Variants in RASGRF1 observed in about 807,000 individuals in gnomAD.
The protein encoded by RASGRF1 is Ras protein specific guanine nucleotide releasing factor 1, also known as ras-specific guanine nucleotide-releasing factor 1.
A neutral mutation model predicts 138.7 loss-of-function variants in RASGRF1; 40 were observed. That is an observed-to-expected ratio of 0.29 (90% CI 0.22 to 0.38). The LOEUF is 0.38. RASGRF1 is among the 10% of genes least tolerant of loss of function. The probability of loss-of-function intolerance (pLI) is 1.00; values close to 1 mark genes in which losing one functional copy is unlikely to be tolerated. For missense variants in RASGRF1, 1,108 were observed against 1,650.4 expected, an observed-to-expected ratio of 0.67 and a Z score of 5.69; for synonymous variants, 614 against 663.2, an observed-to-expected ratio of 0.93 and a Z score of 1.14.
intron 1 of RASGRF1, among the ~76,000 whole-genome samples, chr15:79,077,629 C>A (rs146782055): frequency 2.0e-4 from 30 of 152,256 alleles, no homozygotes; most frequent in African/African-American, 7.0e-4. Context: ...AGGGAGATGG[C>A]GTTTGTGGCA....
chr15:79,054,309 A>C (rs75028387), intron 3 of RASGRF1, among the ~76,000 whole-genome samples: 20,157 of 152,228 alleles, frequency 0.13, 1,404 homozygotes, highest in East Asian at 0.21. Flanking sequence ...GCTGAGTGAC[A>C]TGAGGGCAGA....
At chr15:79,056,349 C>T (rs1368990036) in intron 3 of RASGRF1, among the ~76,000 whole-genome samples, 1 of 152,168 alleles carries the variant, frequency 6.6e-6, no homozygotes, top group African/African-American at 2.4e-5. Context: ...CTTCCCTGAT[C>T]CCATACAGGA....
chr15:79,025,990 A>G (rs1257006155), intron 9 of RASGRF1, among the ~76,000 whole-genome samples: 1 of 151,938 alleles, frequency 6.6e-6, no homozygotes, highest in Non-Finnish European at 1.5e-5. Context: ...GGCATCACCA[A>G]TCAATCACTG....
At chr15:79,064,672 T>A in intron 1 of RASGRF1, 146 bp from the exon 2 acceptor site, 2 of 751,374 alleles carry the variant, frequency 2.7e-6, no homozygotes, top group Non-Finnish European at 4.6e-6. Context: ...AGAATGCCAT[T>A]CTATTTAGCA....
intron 11 of RASGRF1, among the ~76,000 whole-genome samples, chr15:79,019,477 C>T (rs145273223): frequency 5.9e-5 from 9 of 152,256 alleles, no homozygotes; most frequent in South Asian, 2.1e-4. Flanking sequence ...CCCTTCTCAC[C>T]GAGGTCTTGC....
intron 26 of RASGRF1, 131 bp from the exon 27 acceptor site, chr15:78,962,367 T>G (rs774986404): frequency 2.7e-4 from 174 of 635,280 alleles, no homozygotes; most frequent in South Asian, 8.5e-4. Context: ...GAGGCAAAAA[T>G]GCATTCAGTA....
chr15:79,055,949 T>C (rs1233395784), intron 3 of RASGRF1, among the ~76,000 whole-genome samples: 2 of 152,096 alleles, frequency 1.3e-5, no homozygotes. Context: ...AGCCCGTCCT[T>C]ATGGAGTTCC....
intron 1 of RASGRF1, among the ~76,000 whole-genome samples, chr15:79,088,764 C>G (rs2058014923): frequency 6.6e-6 from 1 of 152,224 alleles, no homozygotes; most frequent in Non-Finnish European, 1.5e-5. Context: ...ATTCTCTAGT[C>G]TGGCCTGGGA....
chr15:79,086,666 G>T (rs2141112926), intron 1 of RASGRF1, among the ~76,000 whole-genome samples: 1 of 152,188 alleles, frequency 6.6e-6, no homozygotes, highest in South Asian at 2.1e-4. Flanking sequence ...TGTCCTAAGA[G>T]AATCAGGAAG....
In RASGRF1 at chr15:79,017,924, T is replaced by C; in HGVS notation, c.1607-18A>G. On this transcript the variant is annotated intron_variant, in intron 11 of 26. Transcript: ENST00000558480. ...TCCTTTGGCTTCCAGTTGTAAAACA[T>C]AAAGTTAGCAGCATGAATGTGGACG... 6.2e-7 allele frequency: 1 copy of C among 1,612,150 alleles called. No individual in the cohort carries two copies.
intron 12 of RASGRF1, among the ~76,000 whole-genome samples, chr15:79,015,984 A>G (rs931526293): frequency 4.6e-5 from 7 of 152,208 alleles, no homozygotes; most frequent in African/African-American, 1.7e-4. Context: ...AGGGGCACAG[A>G]TGATTGTACA....
intron 15 of RASGRF1, 125 bp from the exon 16 acceptor site, chr15:79,001,912 C>A (rs1303588089): frequency 1.6e-6 from 1 of 619,976 alleles, no homozygotes; most frequent in Admixed American, 4.1e-5. Flanking sequence ...GATACAGCCA[C>A]TGAAGAAAGT....
chr15:79,054,738 C>T (rs1372208797), intron 3 of RASGRF1, among the ~76,000 whole-genome samples: 1 of 152,180 alleles, frequency 6.6e-6, no homozygotes, highest in East Asian at 1.9e-4. Flanking sequence ...TTAAGACATT[C>T]AGATTTGGAG....
At chr15:78,994,060 G>A (rs3784532) in intron 20 of RASGRF1, among the ~76,000 whole-genome samples, 139,508 of 152,258 alleles carry the variant, frequency 0.92, 64,165 homozygotes, top group Non-Finnish European at 0.96. Context: ...GGCTGTTCAC[G>A]AAGGAACAAG....
chr15:79,040,109 C>T lies in RASGRF1; in HGVS notation c.879-4899G>A, dbSNP rs529777447. Reference sequence around the variant, plus strand: ...CATGAACTCCTAATAGTTTTTAGGACTTTTTTTTTATTGACCCTGACCTCG... The same window carrying T: ...CATGAACTCCTAATAGTTTTTAGGATTTTTTTTTTATTGACCCTGACCTCG... On this transcript the variant is annotated intron_variant, in intron 5 of 26. Transcript: ENST00000558480. 6.9e-4 allele frequency among the ~76,000 whole-genome samples: 104 copies of T among 151,406 alleles called. 1 individual carries two copies. Among genetic ancestry groups the T allele is most frequent in the African/African-American group, 2.4e-3 (99 of 41,296 alleles).
Position 79,013,476 on chromosome 15 carries a change from G to C in RASGRF1, c.1826+1851C>G, listed in dbSNP as rs192609072. On this transcript the variant is annotated intron_variant, in intron 13 of 26. Coordinates refer to ENST00000558480, the MANE Select transcript of RASGRF1 (RefSeq NM_001145648.3). ...ACTTGACTTCAGAGTGGTGGCGAGT[G>C]GAAACAAAGGATTTCACACATTAAA... Among the ~76,000 whole-genome samples, 746 of 152,328 alleles carry C rather than the reference G, an allele frequency of 4.9e-3. 9 individuals are homozygous for C. Among genetic ancestry groups the C allele is most frequent in the African/African-American group, 0.016 (657 of 41,560 alleles).
intron 9 of RASGRF1, among the ~76,000 whole-genome samples, chr15:79,026,461 G>C (rs1305414904): frequency 6.6e-6 from 1 of 152,168 alleles, no homozygotes; most frequent in Non-Finnish European, 1.5e-5. Flanking sequence ...TCCTGCGTTT[G>C]TCCCCTCATG....
intron 1 of RASGRF1, among the ~76,000 whole-genome samples, chr15:79,066,373 T>C (rs2057680690): frequency 6.6e-6 from 1 of 152,200 alleles, no homozygotes; most frequent in South Asian, 2.1e-4. Context: ...GGCCCTGGGA[T>C]GCAAAGACAA....
At chr15:79,018,207 C>T (rs927044960) in intron 11 of RASGRF1, among the ~76,000 whole-genome samples, 4 of 152,204 alleles carry the variant, frequency 2.6e-5, no homozygotes, top group East Asian at 3.9e-4. Context: ...AGGTCACGGG[C>T]GAGGACTTGC....
Sources: gnomAD v4.1 joint callset for allele counts (sites outside exome capture counted in the v4.1 genomes callset) on GRCh38, gnomAD v4.1.1 for gene constraint, MANE v1.5 for transcripts, NCBI Gene and HGNC (gene_info 2026-07-23, HGNC 2026-07-21) for gene names.